Variants in TCFL5 observed in about 807,000 individuals in gnomAD.
TCFL5 encodes the protein transcription factor-like 5 protein.
A neutral mutation model predicts 44.3 loss-of-function variants in TCFL5; 9 were observed. The ratio of observed to expected loss-of-function variants is 0.20; its 90% CI spans 0.12 to 0.35. The LOEUF is 0.35. Ranked by LOEUF, TCFL5 falls within the 10% of genes least tolerant of loss-of-function variation. The pLI is 1.00. For missense variants in TCFL5, 603 were observed against 613.4 expected (o/e 0.98, Z 0.18); for synonymous variants, 319 against 271.6 (o/e 1.17, Z -1.72).
chr20:62,846,010 G>C, intron 5 of TCFL5: 1 of 1,384,550 alleles, frequency 7.2e-7, no homozygotes, highest in Non-Finnish European at 9.6e-7. Context: ...ACAGCCATTT[G>C]TGATTTGCTG....
At chr20:62,853,858 T>C (rs2063849066) in intron 5 of TCFL5, among the ~76,000 whole-genome samples, 158 bp downstream of exon 5, 1 of 152,200 alleles carries the variant, frequency 6.6e-6, no homozygotes, top group African/African-American at 2.4e-5. Context: ...AATGACAAGT[T>C]ATATCATTAA....
chr20:62,847,888 C>T (rs555627599), intron 5 of TCFL5, among the ~76,000 whole-genome samples: 6 of 152,288 alleles, frequency 3.9e-5, no homozygotes, highest in East Asian at 3.9e-4. Context: ...CGTGACCAAA[C>T]GGCATGGGAG....
intron 5 of TCFL5, among the ~76,000 whole-genome samples, chr20:62,851,240 C>G (rs2063805739): frequency 6.6e-6 from 1 of 152,054 alleles, no homozygotes; most frequent in Non-Finnish European, 1.5e-5. Context: ...GACTTGACCT[C>G]AGCCTGTTTC....
At chr20:62,856,550 A>C (rs934791373) in intron 4 of TCFL5, among the ~76,000 whole-genome samples, 9 of 151,442 alleles carry the variant, frequency 5.9e-5, no homozygotes, top group African/African-American at 1.9e-4. Flanking sequence ...TAAAAAATAC[A>C]AAAAAATTAG....
chr20:62,854,348 C>T (rs995235353), intron 4 of TCFL5, among the ~76,000 whole-genome samples, 191 bp from the exon 5 acceptor site: 1 of 152,374 alleles, frequency 6.6e-6, no homozygotes, highest in South Asian at 2.1e-4. Context: ...CAGCCACTGC[C>T]TTCCAGAGGC....
intron 5 of TCFL5, among the ~76,000 whole-genome samples, chr20:62,851,162 A>G (rs1359971534): frequency 2.0e-5 from 3 of 152,186 alleles, no homozygotes; most frequent in African/African-American, 7.2e-5. Context: ...GGCAGTCACT[A>G]AAGAAACAAT....
At chr20:62,849,461 T>G (rs933333966) in intron 5 of TCFL5, among the ~76,000 whole-genome samples, 9 of 152,110 alleles carry the variant, frequency 5.9e-5, no homozygotes, top group Middle Eastern at 3.4e-3. Context: ...TTAATAACTG[T>G]GGGGGGGATT....
In TCFL5 at chr20:62,859,412, C is replaced by T; in HGVS notation, c.946G>A (p.Gly316Ser). 5 of 1,613,474 alleles carry T rather than the reference C, an allele frequency of 3.1e-6. No homozygotes were observed. Among genetic ancestry groups the T allele is most frequent in the Non-Finnish European group, 3.4e-6 (4 of 1,179,574 alleles). The part of the protein sequence containing the change: ...QEIESTKQTL[G>S]SRNKVLPEQV... Reference sequence around the variant, plus strand: ...TCAGGCAAAACTTTGTTTCTACTACCTAACGTCTGTTTAGTGGATTCAATT... The same window carrying T: ...TCAGGCAAAACTTTGTTTCTACTACTTAACGTCTGTTTAGTGGATTCAATT... The change falls in exon 3 of 6, where the codon GGT (glycine) becomes AGT (serine). Residue 316 changes from glycine (G) to serine (S), a missense_variant. By Grantham distance (56) the Gly-to-Ser change is moderately conservative (BLOSUM62 0). Coordinates refer to ENST00000335351, the MANE Select transcript of TCFL5 (RefSeq NM_006602.4).
Position 62,841,951 on chromosome 20 carries a change from C to G in TCFL5, c.*24G>C, listed in dbSNP as rs760145623. On this transcript the variant is annotated 3_prime_UTR_variant, in exon 6 of 6. Coordinates refer to ENST00000335351, the MANE Select transcript of TCFL5 (RefSeq NM_006602.4). Reference sequence around the variant, plus strand: ...GTCACGAAGGAATGGCTGTTCACCCCCCGAGGATTCCTGTTCAGTCCGATC... The same window carrying G: ...GTCACGAAGGAATGGCTGTTCACCCGCCGAGGATTCCTGTTCAGTCCGATC... 63 of 1,612,842 alleles carry G rather than the reference C, an allele frequency of 3.9e-5. No homozygotes were observed. In the African/African-American group the frequency reaches 6.4e-4, roughly 16 times the overall value.
At chr20:62,843,952 G>A (rs2063707728) in intron 5 of TCFL5, among the ~76,000 whole-genome samples, 2 of 152,194 alleles carry the variant, frequency 1.3e-5, no homozygotes, top group African/African-American at 2.4e-5. Context: ...GTAAGATTCT[G>A]TTGTGTGCTT....
intron 5 of TCFL5, chr20:62,846,130 G>C (rs2063739855): frequency 7.9e-7 from 1 of 1,273,226 alleles, no homozygotes; most frequent in Non-Finnish European, 1.0e-6. Flanking sequence ...TAAATTGGAA[G>C]CATTCTTAAT....
At chr20:62,860,472 C>T (rs2063977620) in intron 1 of TCFL5, among the ~76,000 whole-genome samples, 164 bp from the exon 2 acceptor site, 1 of 152,214 alleles carries the variant, frequency 6.6e-6, no homozygotes, top group East Asian at 1.9e-4. Context: ...TGGAAGTCCT[C>T]CTCTTCCTAT....
chr20:62,856,058 G>A (rs2063883874), intron 4 of TCFL5, among the ~76,000 whole-genome samples: 1 of 151,706 alleles, frequency 6.6e-6, no homozygotes, highest in African/African-American at 2.4e-5. Flanking sequence ...AGACCAACCT[G>A]GCCAATATGG....
chr20:62,844,178 C>A (rs190729877), intron 5 of TCFL5, among the ~76,000 whole-genome samples: 70 of 152,338 alleles, frequency 4.6e-4, no homozygotes, highest in Middle Eastern at 6.8e-3. Context: ...CCATTTCACA[C>A]CCCCAGCGGC....
intron 5 of TCFL5, chr20:62,852,232 T>C (rs1439018717): frequency 1.0e-6 from 1 of 985,474 alleles, no homozygotes; most frequent in African/African-American, 1.7e-5. Flanking sequence ...GTCAGGACCC[T>C]GTGGATCTAT....
At chr20:62,853,919 GA>G in intron 5 of TCFL5, 96 bp downstream of exon 5, 1 of 1,338,172 alleles carries the variant, frequency 7.5e-7, no homozygotes, top group Non-Finnish European at 1.0e-6. Context: ...TAGATTCCAG[GA>G]AACAAAGGAT....
rs559212669 is a variant in TCFL5 at position 62,845,979 on chromosome 20, A to C, written c.1381-3882T>G. 49 of 1,430,322 alleles carry C rather than the reference A, an allele frequency of 3.4e-5. No homozygotes were observed. In the South Asian group the frequency reaches 6.0e-4, roughly 17 times the overall value. 88.6% of individuals were successfully genotyped at this position (1,430,322 alleles called of 1,614,324 possible). ...GCCCAGATAGAAACTTCAAATGCAA[A>C]GCTCCTGGCTTCGTGGAGACACAGC... On this transcript the variant is annotated intron_variant, in intron 5 of 5. Transcript: ENST00000335351.
chr20:62,856,803 A>G (rs1405897605), intron 4 of TCFL5, among the ~76,000 whole-genome samples: 1 of 151,930 alleles, frequency 6.6e-6, no homozygotes, highest in Admixed American at 6.6e-5. Context: ...CTCTCCTCAG[A>G]AAGGCCTGCA....
intron 5 of TCFL5, among the ~76,000 whole-genome samples, chr20:62,847,580 CTTTTCT>C (rs899825189): frequency 2.1e-4 from 32 of 152,334 alleles, no homozygotes; most frequent in African/African-American, 7.2e-4. Context: ...AAAAGAATGG[CTTTTCT>C]TTTTCAAGAT....
Sources: gnomAD v4.1 joint callset for allele counts (sites outside exome capture counted in the v4.1 genomes callset) on GRCh38, gnomAD v4.1.1 for gene constraint, MANE v1.5 for transcripts, NCBI Gene and HGNC (gene_info 2026-07-23, HGNC 2026-07-21) for gene names.